The following R3HDM2 variants were observed in gnomAD, a reference collection of about 807,000 sequenced individuals.
R3HDM2 encodes the protein R3H domain containing 2.
R3HDM2 carries 38 observed loss-of-function variants against 124.5 expected under a neutral mutation model. The ratio of observed to expected loss-of-function variants is 0.31; its 90% CI spans 0.24 to 0.40. The LOEUF (loss-of-function observed/expected upper bound fraction) is 0.40, where lower values mean the gene tolerates loss of function less well. Ranked by LOEUF, R3HDM2 falls within the 10% of genes least tolerant of loss-of-function variation. The probability of loss-of-function intolerance (pLI) is 1.00; values close to 1 mark genes in which losing one functional copy is unlikely to be tolerated. For missense variants in R3HDM2, 869 were observed against 1,236.9 expected (o/e 0.70, Z 4.46); for synonymous variants, 391 against 448.0 (o/e 0.87, Z 1.61).
intron 2 of R3HDM2, among the ~76,000 whole-genome samples, chr12:57,373,885 T>C (rs2063685654): frequency 2.0e-5 from 3 of 151,650 alleles, no homozygotes; most frequent in Admixed American, 6.6e-5. Context: ...CCTAGCACTT[T>C]GGGAGGCCGA....
At chr12:57,412,523 C>T (rs1009342616) in intron 1 of R3HDM2, among the ~76,000 whole-genome samples, 2 of 152,036 alleles carry the variant, frequency 1.3e-5, no homozygotes, top group Non-Finnish European at 2.9e-5. Context: ...GCCTGGGCAA[C>T]AGAGTGAGAT....
rs192603380 is a variant in R3HDM2, at chr12:57,345,859, C to T, written c.-35-35396G>A. On this transcript the variant is annotated intron_variant, in intron 2 of 23. Transcript: ENST00000402412. ...TGCCTGGCAGCTTCATATTTCTTAT[C>T]AAAAACCAGGAGAATGAGGGCTGGG... Among the ~76,000 whole-genome samples the T allele has an allele frequency of 8.0e-4, 122 of 152,244 alleles. 1 individual carries two copies. The highest frequency in any genetic ancestry group is 2.8e-3 in the African/African-American group (115 of 41,540).
chr12:57,350,797 A>T (rs1192612442), intron 2 of R3HDM2, among the ~76,000 whole-genome samples: 2 of 152,158 alleles, frequency 1.3e-5, no homozygotes, highest in Non-Finnish European at 2.9e-5. Flanking sequence ...TCTACATAAA[A>T]TTTAAAAATT....
chr12:57,425,636 C>G (rs2070666746), intron 1 of R3HDM2, among the ~76,000 whole-genome samples: 1 of 151,120 alleles, frequency 6.6e-6, no homozygotes, highest in South Asian at 2.1e-4. Flanking sequence ...CCTGTCTCTA[C>G]AAAAAAACAA....
At chr12:57,387,978 T>TTTTA (rs397727933) in intron 2 of R3HDM2, among the ~76,000 whole-genome samples, 1 of 151,250 alleles carries the variant, frequency 6.6e-6, no homozygotes, top group African/African-American at 2.4e-5. Context: ...TTTTTTTTTT[T>TTTTA]AAAAAGACAA....
At chr12:57,352,717 C>T (rs1159859927) in intron 2 of R3HDM2, among the ~76,000 whole-genome samples, 1 of 152,032 alleles carries the variant, frequency 6.6e-6, no homozygotes, top group Non-Finnish European at 1.5e-5. Context: ...TGGTCTCAAA[C>T]TCCTAACCTC....
intron 2 of R3HDM2, chr12:57,341,560 T>C (rs1013929740): frequency 7.9e-6 from 2 of 252,476 alleles, no homozygotes; most frequent in African/African-American, 4.7e-5. Flanking sequence ...TAATACAAAA[T>C]AAGAATAAAT....
At chr12:57,418,755 G>A (rs888900117) in intron 1 of R3HDM2, among the ~76,000 whole-genome samples, 2 of 152,070 alleles carry the variant, frequency 1.3e-5, no homozygotes, top group Admixed American at 6.6e-5. Flanking sequence ...GTAGAGATGG[G>A]GTTTCACCAT....
At chr12:57,398,459 C>T (rs1192831983) in intron 1 of R3HDM2, among the ~76,000 whole-genome samples, 1 of 151,630 alleles carries the variant, frequency 6.6e-6, no homozygotes, top group East Asian at 1.9e-4. Flanking sequence ...AACAATCTGC[C>T]TTGTATCCTC....
chr12:57,300,716 A>T (rs562869422), intron 4 of R3HDM2, among the ~76,000 whole-genome samples: 1 of 152,380 alleles, frequency 6.6e-6, no homozygotes, highest in Admixed American at 6.5e-5. Context: ...AAATATACAT[A>T]TCATTAAATA....
In R3HDM2 at chr12:57,412,486, G is replaced by A. The variant is rs538814594; in HGVS notation, c.-105-16668C>T. Among the ~76,000 whole-genome samples the A allele has an allele frequency of 5.9e-4, 90 of 152,028 alleles. 2 individuals are homozygous for A. The highest frequency in any genetic ancestry group is 3.2e-4 in the Non-Finnish European group (22 of 68,012). On this transcript the variant is annotated intron_variant, in intron 1 of 23. Coordinates refer to ENST00000402412, the MANE Select transcript of R3HDM2 (RefSeq NM_001394031.1). ...TTGAACCTGAGGCGGAGGCTGCAAC[G>A]AGCCAAGATCACACTACTGCACTCC...
rs1269004702 is a variant in R3HDM2 at position 57,255,036 on chromosome 12, G to A, written c.2710C>T (p.Leu904Phe). 1 of 1,613,802 alleles carries A rather than the reference G, an allele frequency of 6.2e-7. No homozygotes were observed. The highest frequency in any genetic ancestry group is 8.5e-7 in the Non-Finnish European group (1 of 1,180,006). ...RTEADKLFTQ[L>F]AMSGAKIQWL... ...TGGATCTTGGCGCCAGACATGGCGA[G>A]CTGCGTGAAGAGTTTGTCCGCCTCA... is the stretch of plus-strand genomic sequence containing the variant. Residue 904 changes from leucine to phenylalanine, a missense_variant, in exon 24 of 24, where the codon CTC becomes TTC. Coordinates refer to ENST00000402412, the MANE Select transcript of R3HDM2 (RefSeq NM_001394031.1).
At chr12:57,369,419 A>T (rs1212516421) in intron 2 of R3HDM2, among the ~76,000 whole-genome samples, 4 of 152,232 alleles carry the variant, frequency 2.6e-5, no homozygotes, top group Non-Finnish European at 5.9e-5. Flanking sequence ...GCCATCAGGG[A>T]CAGACTTTAG....
chr12:57,260,034 C>G (rs767515911), intron 19 of R3HDM2, among the ~76,000 whole-genome samples: 3 of 151,828 alleles, frequency 2.0e-5, no homozygotes, highest in South Asian at 2.1e-4. Flanking sequence ...GAAGCCGAGG[C>G]AGGTGGACTG....
intron 15 of R3HDM2, 141 bp from the exon 16 acceptor site, chr12:57,269,590 G>A: frequency 1.4e-6 from 2 of 1,451,190 alleles, no homozygotes; most frequent in South Asian, 2.7e-5. Flanking sequence ...GTAAAACAAG[G>A]ATTTATGTTA....
At position 57,298,098 on chromosome 12, in the gene R3HDM2, C is replaced by A. The variant is rs767861664; in HGVS notation, c.492G>T (p.Lys164Asn). 5 of 1,550,012 alleles carry A rather than the reference C, an allele frequency of 3.2e-6. No individual in the cohort carries two copies. The South Asian group carries it at 6.0e-5, about 18-fold the overall frequency. ...LHEFLVNTLK[K>N]NPRDRMMLLK... ...ACCCATCATGTTATTACCTTGGGTT[C>A]TTTTTCAGTGTATTTACAAGAAATT... Residue 164 changes from lysine (K) to asparagine (N), a missense_variant, in exon 7 of 24, where the codon AAG (lysine) becomes AAT (asparagine). Coordinates refer to ENST00000402412, the MANE Select transcript of R3HDM2 (RefSeq NM_001394031.1).
At chr12:57,344,959 A>C (rs10783821) in intron 2 of R3HDM2, among the ~76,000 whole-genome samples, 148,282 of 152,140 alleles carry the variant, frequency 0.97, 72,382 homozygotes, top group East Asian at 1. Flanking sequence ...CTCAGCCTCC[A>C]GAGTAGCTGG....
chr12:57,380,488 G>A (rs1045912574), intron 2 of R3HDM2, among the ~76,000 whole-genome samples: 1 of 152,162 alleles, frequency 6.6e-6, no homozygotes, highest in African/African-American at 2.4e-5. Flanking sequence ...GTGGCAACAA[G>A]GGGAAGGTTG....
intron 1 of R3HDM2, among the ~76,000 whole-genome samples, chr12:57,426,611 C>A (rs566085147): frequency 6.6e-6 from 1 of 152,264 alleles, no homozygotes; most frequent in South Asian, 2.1e-4. Flanking sequence ...GGGACATGAA[C>A]AAACCTCAAG....
Sources: gnomAD v4.1 joint callset for allele counts (sites outside exome capture counted in the v4.1 genomes callset) on GRCh38, gnomAD v4.1.1 for gene constraint, MANE v1.5 for transcripts, NCBI Gene and HGNC (gene_info 2026-07-23, HGNC 2026-07-21) for gene names.